The following CLSTN2 variants were observed in gnomAD, a reference collection of about 807,000 sequenced individuals.
The protein encoded by CLSTN2 is calsyntenin 2, also known as calsyntenin-2.
Under a neutral mutation model 101.2 loss-of-function variants are expected in CLSTN2, and 48 were observed. That is an observed-to-expected ratio of 0.47 (90% CI 0.38 to 0.60). CLSTN2 has a LOEUF of 0.60. Among genes scored for constraint, CLSTN2 ranks in the 20% least tolerant of loss-of-function variants. The pLI is 0.00. For missense variants in CLSTN2, 1,160 were observed against 1,238.2 expected, an observed-to-expected ratio of 0.94 and a Z score of 0.95; for synonymous variants, 481 against 463.6, an observed-to-expected ratio of 1.04 and a Z score of -0.48.
chr3:140,353,657 G>T (rs1246033761), intron 2 of CLSTN2, among the ~76,000 whole-genome samples: 3 of 152,140 alleles, frequency 2.0e-5, no homozygotes, highest in African/African-American at 7.2e-5. Context: ...TGAGGTCCTA[G>T]AATCAATTCC....
intron 9 of CLSTN2, among the ~76,000 whole-genome samples, chr3:140,539,434 G>A (rs1935424331): frequency 6.6e-6 from 1 of 152,198 alleles, no homozygotes; most frequent in South Asian, 2.1e-4. Context: ...AGTGAATCAT[G>A]TCTGGAAACA....
intron 1 of CLSTN2, among the ~76,000 whole-genome samples, chr3:139,962,032 G>C (rs1470878959): frequency 1.3e-5 from 2 of 151,734 alleles, no homozygotes; most frequent in South Asian, 2.1e-4. Flanking sequence ...CAATTTATTT[G>C]AGCAGGATTT....
intron 1 of CLSTN2, among the ~76,000 whole-genome samples, chr3:139,954,496 G>A (rs1170602792): frequency 6.6e-6 from 1 of 152,156 alleles, no homozygotes; most frequent in African/African-American, 2.4e-5. Context: ...CTTGAGGGCA[G>A]GGTTGCCCTA....
intron 2 of CLSTN2, among the ~76,000 whole-genome samples, chr3:140,278,314 T>C (rs570117595): frequency 3.3e-5 from 5 of 150,512 alleles, no homozygotes; most frequent in Non-Finnish European, 7.4e-5. Context: ...TTTTCTACCC[T>C]TCTTTCCCAG....
intron 13 of CLSTN2, 33 bp from the exon 14 acceptor site, chr3:140,562,778 C>T (rs760546751): frequency 3.7e-6 from 6 of 1,608,588 alleles, no homozygotes; most frequent in Non-Finnish European, 4.2e-6. Context: ...TCCTTTTCTG[C>T]CTTCTGATGA....
intron 5 of CLSTN2, among the ~76,000 whole-genome samples, chr3:140,448,278 G>T (rs1350941436): frequency 1.3e-5 from 2 of 151,952 alleles, no homozygotes; most frequent in Non-Finnish European, 2.9e-5. Context: ...CACATGTTTT[G>T]TGTATTCCTA....
rs890064290 is a variant in CLSTN2 at position 140,568,572 on chromosome 3, C to A, written c.*2319C>A. ...AATCCCATTTAAATAAAAAAAAGAT[C>A]TTTAGTTGGGCATTTAGGAGCAACT... is the stretch of plus-strand genomic sequence containing the variant. On this transcript the variant is annotated 3_prime_UTR_variant, in exon 17 of 17. Transcript: ENST00000458420. The A allele has an allele frequency of 7.2e-5, 11 of 152,174 alleles. No homozygotes were observed. Among genetic ancestry groups the A allele is most frequent in the African/African-American group, 1.7e-4 (7 of 41,450 alleles). The allele number at this position is 152,174 out of a possible 1,614,324, so 9.4% of individuals were successfully genotyped here. A position where few individuals can be genotyped will look rare whatever the true frequency, so the allele number is the denominator to read the frequency against.
At chr3:140,252,041 T>C (rs1210162171) in intron 2 of CLSTN2, among the ~76,000 whole-genome samples, 2 of 152,132 alleles carry the variant, frequency 1.3e-5, no homozygotes, top group Non-Finnish European at 2.9e-5. Flanking sequence ...CTAAGCATGA[T>C]GGAGAGGCAT....
chr3:140,418,965 G>A (rs2088461672), intron 4 of CLSTN2, among the ~76,000 whole-genome samples: 1 of 151,612 alleles, frequency 6.6e-6, no homozygotes, highest in Admixed American at 6.6e-5. Context: ...ATTCACATGT[G>A]CAGCACCTGC....
intron 1 of CLSTN2, among the ~76,000 whole-genome samples, chr3:139,975,726 C>T (rs559721321): frequency 3.3e-5 from 5 of 152,260 alleles, no homozygotes; most frequent in South Asian, 2.1e-4. Context: ...CATAGTGGGA[C>T]GCAGGGGGTG....
chr3:140,345,295 C>T (rs1299041268), intron 2 of CLSTN2, among the ~76,000 whole-genome samples: 2 of 148,176 alleles, frequency 1.3e-5, no homozygotes, highest in East Asian at 2.0e-4. Flanking sequence ...GTTGCCCAGG[C>T]TGCAGTGCAA....
intron 2 of CLSTN2, among the ~76,000 whole-genome samples, chr3:140,253,938 C>G (rs1485519504): frequency 6.6e-6 from 1 of 152,048 alleles, no homozygotes; most frequent in Non-Finnish European, 1.5e-5. Flanking sequence ...CCTGAGAAGG[C>G]CTTTGTTGGG....
intron 1 of CLSTN2, among the ~76,000 whole-genome samples, chr3:140,111,915 A>G (rs2009162976): frequency 6.6e-6 from 1 of 152,202 alleles, no homozygotes; most frequent in South Asian, 2.1e-4. Context: ...GGTTTACAAG[A>G]GTACAAGTGA....
chr3:140,387,029 A>G (rs1184649126), intron 2 of CLSTN2, among the ~76,000 whole-genome samples: 1 of 152,012 alleles, frequency 6.6e-6, no homozygotes, highest in Admixed American at 6.6e-5. Flanking sequence ...CACCCAACCA[A>G]CTTTACGGCC....
chr3:139,992,585 T>C (rs1177321090), intron 1 of CLSTN2, among the ~76,000 whole-genome samples: 1 of 152,228 alleles, frequency 6.6e-6, no homozygotes, highest in Non-Finnish European at 1.5e-5. Context: ...GCACCTATTA[T>C]GTGTCAGGCA....
At chr3:139,951,288 T>TA (rs979341161) in intron 1 of CLSTN2, among the ~76,000 whole-genome samples, 1 of 152,140 alleles carries the variant, frequency 6.6e-6, no homozygotes, top group African/African-American at 2.4e-5. Context: ...GTAGACAATT[T>TA]CTAGAACAGT....
intron 2 of CLSTN2, among the ~76,000 whole-genome samples, chr3:140,298,622 T>A (rs1356689319): frequency 1.3e-5 from 2 of 152,146 alleles, no homozygotes; most frequent in Non-Finnish European, 2.9e-5. Context: ...GGAGGTAACT[T>A]GCCCAGGATC....
At chr3:139,976,822 A>T (rs962203347) in intron 1 of CLSTN2, among the ~76,000 whole-genome samples, 7 of 152,160 alleles carry the variant, frequency 4.6e-5, no homozygotes, top group African/African-American at 1.7e-4. Flanking sequence ...CTGTGTGTGC[A>T]TTGATGTGTG....
At chr3:140,377,532 G>T (rs2087930135) in intron 2 of CLSTN2, among the ~76,000 whole-genome samples, 1 of 152,022 alleles carries the variant, frequency 6.6e-6, no homozygotes, top group Non-Finnish European at 1.5e-5. Flanking sequence ...CCCTGTGTAG[G>T]CCTAGGCTAA....
Sources: allele counts gnomAD v4.1 joint callset (sites outside exome capture counted in the v4.1 genomes callset), GRCh38; gene constraint gnomAD v4.1.1; transcripts MANE v1.5; gene names NCBI Gene and HGNC (gene_info 2026-07-23, HGNC 2026-07-21).